The following EVC2 variants were observed in gnomAD, a reference collection of about 807,000 sequenced individuals.
EVC2 encodes the protein EvC ciliary complex subunit 2.
EVC2 carries 148 observed loss-of-function variants against 149.3 expected under a neutral mutation model. The ratio of observed to expected loss-of-function variants is 0.99; its 90% confidence interval spans 0.87 to 1.14. The LOEUF (loss-of-function observed/expected upper bound fraction) is 1.14, where lower values mean the gene tolerates loss of function less well. EVC2 is among the 50% of genes most tolerant of loss of function. The probability of loss-of-function intolerance (pLI) is 0.00; values close to 1 mark genes in which losing one functional copy is unlikely to be tolerated. For synonymous variants in EVC2, 776 were observed against 649.9 expected (o/e 1.19, Z -2.95); for missense variants, 1,854 against 1,627.3 (o/e 1.14, Z -2.40).
chr4:5,587,560 A>AT (rs1325670488), intron 16 of EVC2, among the ~76,000 whole-genome samples: 4 of 152,134 alleles, frequency 2.6e-5, no homozygotes, highest in African/African-American at 7.2e-5. Flanking sequence ...CCCATTGCTC[A>AT]TTTTTTTGTG....
Position 5,618,421 on chromosome 4 carries a change from C to T in EVC2, c.2706+57G>A. 6.2e-7 allele frequency: 1 copy of T among 1,603,586 alleles called. No homozygotes were observed. Among genetic ancestry groups the T allele is most frequent in the Non-Finnish European group, 8.5e-7 (1 of 1,173,152 alleles). ...GGGGAAGAGGCCAGACCCTGTAGGGCCAGCAGCTGGGAGACGGCCCTGCTT... is the reference window on the plus strand; with the variant it reads ...GGGGAAGAGGCCAGACCCTGTAGGGTCAGCAGCTGGGAGACGGCCCTGCTT... On this transcript the variant is annotated intron_variant, in intron 15 of 21. Transcript: ENST00000344408. This position sits in a 1 kb window ranked among gnomAD's most constrained non-coding sequence, Gnocchi z 4.4.
chr4:5,596,115 C>T (rs980607327), intron 16 of EVC2, among the ~76,000 whole-genome samples: 4 of 152,132 alleles, frequency 2.6e-5, no homozygotes, highest in African/African-American at 7.2e-5. Flanking sequence ...CACACAATAA[C>T]AATGGGAGAC....
At chr4:5,573,255 CA>C (rs547711499) in intron 19 of EVC2, among the ~76,000 whole-genome samples, 183 of 152,216 alleles carry the variant, frequency 1.2e-3, no homozygotes, top group African/African-American at 4.1e-3. Context: ...GGAGTAAGGT[CA>C]GGGGCCTTGA....
chr4:5,542,856 GC>G (rs1721541008), exon 23 of EVC2: 1 of 304,628 alleles, frequency 3.3e-6, no homozygotes, highest in Non-Finnish European at 6.5e-6. Context: ...CCACAGCTGG[GC>G]TCATAGGAAC....
chr4:5,583,427 G>C (rs1245498027), intron 17 of EVC2, among the ~76,000 whole-genome samples: 5 of 152,146 alleles, frequency 3.3e-5, no homozygotes, highest in African/African-American at 4.8e-5. Flanking sequence ...TATGAGACTG[G>C]CAAAATACCT....
intron 16 of EVC2, among the ~76,000 whole-genome samples, chr4:5,606,082 A>T (rs1017672011): frequency 6.6e-6 from 1 of 152,234 alleles, no homozygotes; most frequent in Non-Finnish European, 1.5e-5. Flanking sequence ...GGACGGACCA[A>T]TAGAGACCTC....
intron 16 of EVC2, among the ~76,000 whole-genome samples, chr4:5,592,589 T>C (rs1036211886): frequency 6.6e-5 from 10 of 152,146 alleles, no homozygotes; most frequent in Non-Finnish European, 1.5e-4. Context: ...TCCCAACAGA[T>C]AGTAAAGACT....
intron 16 of EVC2, among the ~76,000 whole-genome samples, chr4:5,595,993 G>C (rs755307950): frequency 3.3e-5 from 5 of 152,190 alleles, no homozygotes; most frequent in Non-Finnish European, 7.3e-5. Flanking sequence ...TAATGGTAAA[G>C]GGATCAACTC....
intron 4 of EVC2, among the ~76,000 whole-genome samples, chr4:5,690,692 C>T (rs1721064500): frequency 6.7e-6 from 1 of 149,812 alleles, no homozygotes; most frequent in African/African-American, 2.4e-5. Flanking sequence ...ACAACTCATC[C>T]ACTGGGAGAG....
At position 5,657,771 on chromosome 4, in the gene EVC2, G is replaced by C. The variant is rs1362119142; in HGVS notation, c.1145+5336C>G. ...AAAAAAAAAAAGGTAGTTTCCGGCA[G>C]CCTTGAGTGTTGTGAAGAAAATCAG... On this transcript the variant is annotated intron_variant, in intron 9 of 21. Coordinates refer to ENST00000344408, the MANE Select transcript of EVC2 (RefSeq NM_147127.5). This position sits in a 1 kb window ranked among gnomAD's most constrained non-coding sequence, Gnocchi z 4.7. Among the ~76,000 whole-genome samples the C allele has an allele frequency of 1.3e-5, 2 of 150,518 alleles. No homozygotes were observed. The highest frequency in any genetic ancestry group is 4.9e-5 in the African/African-American group (2 of 40,942).
the EVC2 span, among the ~76,000 whole-genome samples, chr4:5,534,565 T>C: frequency 6.6e-6 from 1 of 152,202 alleles, no homozygotes; most frequent in Non-Finnish European, 1.5e-5. Flanking sequence ...TGCTAATAAA[T>C]TTCCTGTGAC....
At chr4:5,551,331 G>A (rs1359856138) in intron 21 of EVC2, among the ~76,000 whole-genome samples, 1 of 152,208 alleles carries the variant, frequency 6.6e-6, no homozygotes, top group African/African-American at 2.4e-5. Flanking sequence ...CTCACCTCTT[G>A]CAACAGCATG....
intron 3 of EVC2, among the ~76,000 whole-genome samples, chr4:5,692,449 C>T (rs563880886): frequency 2.6e-5 from 4 of 152,350 alleles, no homozygotes; most frequent in East Asian, 1.9e-4. Context: ...AAGGTTAATA[C>T]TCTTGCCAAA....
chr4:5,573,223 G>A (rs932558674), intron 19 of EVC2, among the ~76,000 whole-genome samples: 6 of 152,182 alleles, frequency 3.9e-5, no homozygotes, highest in African/African-American at 1.4e-4. Context: ...CACCTTATAA[G>A]GCGAAGGGTA....
chr4:5,585,839 AT>A (rs1375712883), intron 16 of EVC2, among the ~76,000 whole-genome samples: 3 of 151,652 alleles, frequency 2.0e-5, no homozygotes, highest in Non-Finnish European at 4.4e-5. Flanking sequence ...TACGGTACAT[AT>A]TTTTTTATCT....
At chr4:5,695,097 C>A (rs567621422) in intron 2 of EVC2, among the ~76,000 whole-genome samples, 3 of 152,166 alleles carry the variant, frequency 2.0e-5, no homozygotes, top group African/African-American at 7.2e-5. Context: ...CACCTGTAAT[C>A]CTAGCACTTT....
intron 16 of EVC2, among the ~76,000 whole-genome samples, chr4:5,596,579 G>A (rs1400724784): frequency 6.6e-6 from 1 of 152,062 alleles, no homozygotes; most frequent in Non-Finnish European, 1.5e-5. Flanking sequence ...AGTGTGTAGA[G>A]GGAAACTTAT....
At chr4:5,685,280 C>T in intron 6 of EVC2, 90 bp downstream of exon 6, 1 of 1,252,904 alleles carries the variant, frequency 8.0e-7, no homozygotes, top group East Asian at 2.3e-5. Flanking sequence ...AAGGAAGGAA[C>T]TAACAGGTCT....
At chr4:5,628,535 T>TG in intron 12 of EVC2, 24 bp downstream of exon 12, 1 of 1,614,012 alleles carries the variant, frequency 6.2e-7, no homozygotes, top group Admixed American at 1.7e-5. Flanking sequence ...CAGTTCGCAC[T>TG]GTTGGGACAG....
Sources: gnomAD v4.1 joint callset for allele counts (sites outside exome capture counted in the v4.1 genomes callset) on GRCh38, gnomAD v4.1.1 for gene constraint, Gnocchi (gnomAD v3.1) non-coding constraint, MANE v1.5 for transcripts, NCBI Gene and HGNC (gene_info 2026-07-23, HGNC 2026-07-21) for gene names.